Variants in CRB1 observed in about 807,000 individuals in gnomAD.
The protein encoded by CRB1 is protein crumbs homolog 1.
In CRB1, 83 loss-of-function variants were observed where a neutral mutation model predicts 120.0. The observed-to-expected ratio is 0.69, with a 90% CI of 0.58 to 0.83. The LOEUF is 0.83. CRB1 is among the 40% of genes least tolerant of loss of function. CRB1 has a pLI of 0.00. For synonymous variants in CRB1, 625 were observed against 612.5 expected, an observed-to-expected ratio of 1.02 and a Z score of -0.30; for missense variants, 1,699 against 1,687.6, an observed-to-expected ratio of 1.01 and a Z score of -0.12.
chr1:197,276,696 G>A (rs527314625), intron 1 of CRB1, among the ~76,000 whole-genome samples: 65 of 152,026 alleles, frequency 4.3e-4, no homozygotes, highest in African/African-American at 1.4e-3. Flanking sequence ...AAGCAGGAGC[G>A]TGCCTATAGT....
chr1:197,288,352 T>C (rs1655958542), intron 1 of CRB1, among the ~76,000 whole-genome samples: 1 of 151,754 alleles, frequency 6.6e-6, no homozygotes, highest in Non-Finnish European at 1.5e-5. Flanking sequence ...GCTTCGGTAG[T>C]TACAAATATT....
chr1:197,222,829 A>T, the CRB1 span: 3 of 1,511,744 alleles, frequency 2.0e-6, no homozygotes, highest in Non-Finnish European at 2.8e-6. Flanking sequence ...GCCAAGGATC[A>T]TTCTCCTGAT....
the CRB1 span, among the ~76,000 whole-genome samples, chr1:197,206,024 T>C: frequency 2.0e-5 from 3 of 152,032 alleles, no homozygotes; most frequent in Non-Finnish European, 4.4e-5. Context: ...CTCCTCTAGG[T>C]TTTCTAGTTT....
At position 197,421,956 on chromosome 1, in the gene CRB1, G is replaced by A. The variant is rs62645755; in HGVS notation, c.2128G>A (p.Glu710Lys). The A allele has an allele frequency of 1.2e-6, 2 of 1,613,364 alleles. 1 individual carries two copies. The highest frequency in any genetic ancestry group is 4.5e-5 in the East Asian group (2 of 44,892). ...CTATGAAGGCCCCAACTGTCTGAGA[G>A]GTGAGAGAAAGCTGAGTGCTATGGC... ...RPYEGPNCLREYVAGRFGQDD... is the reference protein window; with the variant it reads ...RPYEGPNCLRKYVAGRFGQDD... The change falls in exon 6 of 12, where the codon GAG becomes AAG. Residue 710 changes from glutamate to lysine, a missense_variant and splice_region_variant. By Grantham distance (56) the Glu-to-Lys change is moderately conservative (BLOSUM62 1). Transcript: ENST00000367400.
chr1:197,458,132 C>T (rs968959587), intron 11 of CRB1, among the ~76,000 whole-genome samples: 2 of 151,996 alleles, frequency 1.3e-5, no homozygotes, highest in African/African-American at 4.8e-5. Flanking sequence ...AGGCACTGGT[C>T]CCAAAAGATA....
intron 5 of CRB1, chr1:197,360,489 G>T (rs1209283899): frequency 6.6e-6 from 1 of 152,218 alleles, no homozygotes; most frequent in Non-Finnish European, 1.5e-5. Context: ...TGTGAGTAAA[G>T]CATTGTTCCA....
At chr1:197,476,141 C>T (rs1485056950) in intron 11 of CRB1, among the ~76,000 whole-genome samples, 3 of 151,948 alleles carry the variant, frequency 2.0e-5, no homozygotes, top group African/African-American at 7.3e-5. Flanking sequence ...AACTCCTGAC[C>T]TCAGGTGATC....
the CRB1 span, among the ~76,000 whole-genome samples, chr1:197,249,389 C>A: frequency 6.6e-6 from 1 of 151,708 alleles, no homozygotes; most frequent in Non-Finnish European, 1.5e-5. Context: ...TGATATAAAC[C>A]CGTTCATTTT....
intron 1 of CRB1, among the ~76,000 whole-genome samples, chr1:197,324,280 T>C (rs1658371475): frequency 6.6e-6 from 1 of 152,188 alleles, no homozygotes; most frequent in Non-Finnish European, 1.5e-5. Context: ...CTTTGCAATA[T>C]TATATAGTTT....
intron 1 of CRB1, among the ~76,000 whole-genome samples, chr1:197,327,121 A>ACAAC (rs1558055698): frequency 7.2e-6 from 1 of 138,896 alleles, no homozygotes; most frequent in Non-Finnish European, 1.6e-5. Context: ...AAAAAAAAAA[A>ACAAC]AAAAAAAAAA....
In CRB1 at chr1:197,421,525, A is replaced by T. The variant is rs750248106; in HGVS notation, c.1697A>T (p.Glu566Val). ...LFISHNTSDG[E>V]WHFVEVIFAE... Reference sequence around the variant, plus strand: ...ATTTCCCACAACACCAGCGATGGAGAGTGGCATTTCGTGGAGGTAATATTT... The same window carrying T: ...ATTTCCCACAACACCAGCGATGGAGTGTGGCATTTCGTGGAGGTAATATTT... Residue 566 changes from glutamate (E) to valine (V), a missense_variant, in exon 6 of 12, where the codon GAG (glutamate) becomes GTG (valine). Physicochemically the swap from Glu to Val is moderately radical, Grantham distance 121. Coordinates refer to ENST00000367400, the MANE Select transcript of CRB1 (RefSeq NM_201253.3). 11 of 1,614,094 alleles carry T rather than the reference A, an allele frequency of 6.8e-6. No individual in the cohort carries two copies. The South Asian group carries it at 1.1e-4, about 16-fold the overall frequency.
intron 11 of CRB1, among the ~76,000 whole-genome samples, chr1:197,460,937 G>C (rs1666501548): frequency 6.6e-6 from 1 of 152,118 alleles, no homozygotes; most frequent in African/African-American, 2.4e-5. Flanking sequence ...GGGCAAATAT[G>C]GAATGTAAAT....
At chr1:197,301,024 G>A (rs1267206490) in intron 1 of CRB1, among the ~76,000 whole-genome samples, 4 of 147,268 alleles carry the variant, frequency 2.7e-5, no homozygotes, top group Non-Finnish European at 1.5e-5. Flanking sequence ...TAATGCTCAG[G>A]AAAAAAAAAA....
At chr1:197,228,846 C>T in the CRB1 span, among the ~76,000 whole-genome samples, 1 of 152,164 alleles carries the variant, frequency 6.6e-6, no homozygotes, top group Non-Finnish European at 1.5e-5. Flanking sequence ...GCCTCAGAAT[C>T]ATGGCGAGAA....
the CRB1 span, among the ~76,000 whole-genome samples, chr1:197,216,752 A>G: frequency 6.6e-6 from 1 of 152,214 alleles, no homozygotes; most frequent in Non-Finnish European, 1.5e-5. Context: ...GAGGGCCTAC[A>G]GGGTCTTTTG....
intron 5 of CRB1, among the ~76,000 whole-genome samples, chr1:197,402,759 C>A (rs1384965276): frequency 2.6e-5 from 4 of 152,014 alleles, no homozygotes; most frequent in African/African-American, 9.7e-5. Context: ...TTACATAAAC[C>A]AAGTATTTAG....
At chr1:197,249,291 A>G in the CRB1 span, among the ~76,000 whole-genome samples, 3 of 151,926 alleles carry the variant, frequency 2.0e-5, no homozygotes, top group Non-Finnish European at 4.4e-5. Flanking sequence ...TGATGGACAT[A>G]CATTTTTTTT....
intron 4 of CRB1, among the ~76,000 whole-genome samples, chr1:197,354,833 CCCCCG>C (rs1660363583): frequency 6.8e-5 from 1 of 14,638 alleles, no homozygotes; most frequent in African/African-American, 1.7e-4. Flanking sequence ...CCACCCCCCC[CCCCCG>C]CCCACCCCCC....
At chr1:197,334,782 C>A (rs762273776) in intron 2 of CRB1, among the ~76,000 whole-genome samples, 2 of 152,096 alleles carry the variant, frequency 1.3e-5, no homozygotes, top group Non-Finnish European at 2.9e-5. Flanking sequence ...TTAATTTATT[C>A]AACACATATA....
Sources: allele counts gnomAD v4.1 joint callset (sites outside exome capture counted in the v4.1 genomes callset), GRCh38; gene constraint gnomAD v4.1.1; transcripts MANE v1.5; gene names NCBI Gene and HGNC (gene_info 2026-07-23, HGNC 2026-07-21).